Variants in MCPH1 observed in about 807,000 individuals in gnomAD.
MCPH1 encodes the protein microcephalin 1.
MCPH1 carries 104 observed loss-of-function variants against 84.5 expected under a neutral mutation model. The ratio of observed to expected loss-of-function variants is 1.23; its 90% CI spans 1.05 to 1.45. The LOEUF (loss-of-function observed/expected upper bound fraction) is 1.45. MCPH1 is among the 40% of genes most tolerant of loss of function. The pLI, the probability that MCPH1 is intolerant of heterozygous loss-of-function variation, is 0.00. For missense variants in MCPH1, 1,498 were observed against 1,005.7 expected, an observed-to-expected ratio of 1.49 and a Z score of -6.62; for synonymous variants, 514 against 366.8, an observed-to-expected ratio of 1.40 and a Z score of -4.58.
At chr8:6,513,842 TC>T in intron 12 of MCPH1, 1 of 1,603,494 alleles carries the variant, frequency 6.2e-7, no homozygotes, top group South Asian at 1.1e-5. Flanking sequence ...GGTTACCAAA[TC>T]CCTGTAATGC....
At chr8:6,638,629 C>G (rs938705582) in intron 13 of MCPH1, among the ~76,000 whole-genome samples, 1 of 151,216 alleles carries the variant, frequency 6.6e-6, no homozygotes, top group African/African-American at 2.4e-5. Context: ...CGGAGCTGCT[C>G]AAGGGCAGTT....
intron 12 of MCPH1, among the ~76,000 whole-genome samples, chr8:6,592,575 C>T (rs542843042): frequency 4.7e-5 from 7 of 147,946 alleles, no homozygotes; most frequent in South Asian, 2.1e-4. Flanking sequence ...CTGAATTTAA[C>T]GATGATTTTT....
chr8:6,618,344 G>A (rs930710505), intron 12 of MCPH1: 1 of 152,164 alleles, frequency 6.6e-6, no homozygotes, highest in Non-Finnish European at 1.5e-5. Context: ...TGCTGGATAG[G>A]AAAATTGGCC....
chr8:6,588,561 T>A (rs1181717026), intron 12 of MCPH1, among the ~76,000 whole-genome samples: 1 of 152,202 alleles, frequency 6.6e-6, no homozygotes, highest in Admixed American at 6.5e-5. Context: ...TGGAGTGGCG[T>A]AAGTCTGGTT....
chr8:6,557,518 C>T (rs190576889), intron 12 of MCPH1, among the ~76,000 whole-genome samples: 1 of 152,172 alleles, frequency 6.6e-6, no homozygotes, highest in South Asian at 2.1e-4. Context: ...TTGTTAGGTT[C>T]CTTCAAGCCA....
intron 12 of MCPH1, among the ~76,000 whole-genome samples, chr8:6,527,899 A>ATTTTTTTTTTTTTTT (rs71213313): frequency 1.1e-4 from 14 of 133,118 alleles, no homozygotes; most frequent in Non-Finnish European, 1.5e-4. Context: ...CCACGTCTCT[A>ATTTTTTTTTTTTTTT]TTTTTTTTTT....
intron 13 of MCPH1, chr8:6,626,473 TG>T (rs371531788): frequency 2.2e-5 from 21 of 946,266 alleles, no homozygotes; most frequent in African/African-American, 1.6e-4. Context: ...TTTTTTGTTT[TG>T]TTTTTTTTTT....
At chr8:6,522,998 T>G (rs1563340541) in intron 12 of MCPH1, among the ~76,000 whole-genome samples, 2 of 150,960 alleles carry the variant, frequency 1.3e-5, no homozygotes, top group African/African-American at 4.9e-5. Flanking sequence ...CTTGAAAAGT[T>G]TTTTTTTTTC....
chr8:6,533,860 T>G lies in MCPH1; in HGVS notation c.2214+33931T>G, dbSNP rs185745927. On this transcript the variant is annotated intron_variant, in intron 12 of 13. Transcript: ENST00000344683. Reference sequence around the variant, plus strand: ...TAAATAATTCTGTGCTTTCTGTCTTTAAGAGTAGGAAAATAGGATGGGAAG... The same window carrying G: ...TAAATAATTCTGTGCTTTCTGTCTTGAAGAGTAGGAAAATAGGATGGGAAG... Among the ~76,000 whole-genome samples the G allele has an allele frequency of 3.9e-5, 6 of 152,304 alleles. No individual in the cohort carries two copies. The East Asian group carries it at 1.2e-3, about 29-fold the overall frequency.
intron 12 of MCPH1, among the ~76,000 whole-genome samples, chr8:6,503,481 T>C (rs1398644047): frequency 1.3e-5 from 2 of 152,204 alleles, no homozygotes; most frequent in African/African-American, 4.8e-5. Flanking sequence ...TTACAAGCCT[T>C]CTTCCACCTT....
intron 12 of MCPH1, among the ~76,000 whole-genome samples, chr8:6,553,198 C>T (rs774515388): frequency 2.0e-5 from 3 of 151,958 alleles, no homozygotes; most frequent in African/African-American, 7.3e-5. Flanking sequence ...GTGTGTGCCA[C>T]GGAGGGGGGA....
At position 6,509,146 on chromosome 8, in the gene MCPH1, A is replaced by G. The variant is rs1026150083; in HGVS notation, c.2214+9217A>G. The G allele has an allele frequency of 5.9e-6, 9 of 1,528,978 alleles. No homozygotes were observed. The East Asian group carries it at 6.8e-5, about 11-fold the overall frequency. 94.7% of individuals were successfully genotyped at this position (1,528,978 alleles called of 1,614,324 possible). On this transcript the variant is annotated intron_variant, in intron 12 of 13. Transcript: ENST00000344683. ...CAAATTTTTTGTGATGAAGAATTCC[A>G]TTCTACAGAAGCGTGTTCTGTACTC...
At chr8:6,584,961 G>T (rs1029733711) in intron 12 of MCPH1, among the ~76,000 whole-genome samples, 1 of 152,136 alleles carries the variant, frequency 6.6e-6, no homozygotes, top group African/African-American at 2.4e-5. Flanking sequence ...CTGTTGAGTC[G>T]AATTGGCAAT....
intron 6 of MCPH1, among the ~76,000 whole-genome samples, chr8:6,441,742 C>T (rs570323985): frequency 6.6e-6 from 1 of 152,266 alleles, no homozygotes; most frequent in East Asian, 1.9e-4. Context: ...AAAATGTGTC[C>T]AGACATTACC....
At chr8:6,620,746 T>TAAC (rs1331928491) in intron 12 of MCPH1, among the ~76,000 whole-genome samples, 1 of 152,180 alleles carries the variant, frequency 6.6e-6, no homozygotes, top group Non-Finnish European at 1.5e-5. Flanking sequence ...GTGTTCAGAA[T>TAAC]AACTGGGCCT....
intron 12 of MCPH1, among the ~76,000 whole-genome samples, chr8:6,610,192 A>T (rs1405435071): frequency 2.0e-5 from 3 of 152,176 alleles, no homozygotes; most frequent in Non-Finnish European, 4.4e-5. Context: ...TCTCTTAAAT[A>T]GATGCAGATG....
At chr8:6,585,994 T>C (rs1346709437) in intron 12 of MCPH1, among the ~76,000 whole-genome samples, 1 of 152,210 alleles carries the variant, frequency 6.6e-6, no homozygotes, top group Non-Finnish European at 1.5e-5. Flanking sequence ...AGGGTCTCAC[T>C]CTGTCACCCA....
chr8:6,475,129 C>G (rs779657015), intron 9 of MCPH1, among the ~76,000 whole-genome samples: 9 of 152,244 alleles, frequency 5.9e-5, no homozygotes, highest in Non-Finnish European at 1.2e-4. Context: ...CACATTCTCA[C>G]TTGGTAAGAC....
At chr8:6,620,250 G>A (rs1831271885) in intron 12 of MCPH1, 1 of 152,204 alleles carries the variant, frequency 6.6e-6, no homozygotes, top group South Asian at 2.1e-4. Context: ...CAAGGGGAGA[G>A]AACAAGCAAA....
Sources: allele counts gnomAD v4.1 joint callset (sites outside exome capture counted in the v4.1 genomes callset), GRCh38; gene constraint gnomAD v4.1.1; transcripts MANE v1.5; gene names NCBI Gene and HGNC (gene_info 2026-07-23, HGNC 2026-07-21).